FBXL17: variants seen among roughly 807,000 people sequenced by gnomAD.
FBXL17 encodes F-box and leucine rich repeat protein 17.
Under a neutral mutation model 66.2 loss-of-function variants are expected in FBXL17, and 22 were observed. The ratio of observed to expected loss-of-function variants is 0.33; its 90% confidence interval spans 0.24 to 0.47. The LOEUF (loss-of-function observed/expected upper bound fraction) is 0.47. FBXL17 is among the 20% of genes least tolerant of loss of function. The pLI, the probability that FBXL17 is intolerant of heterozygous loss-of-function variation, is 1.00. For missense variants in FBXL17, 878 were observed against 948.2 expected, an observed-to-expected ratio of 0.93 and a Z score of 0.97; for synonymous variants, 474 against 400.5, an observed-to-expected ratio of 1.18 and a Z score of -2.19.
At chr5:108,275,059 A>C (rs1201675646) in intron 4 of FBXL17, among the ~76,000 whole-genome samples, 2 of 152,234 alleles carry the variant, frequency 1.3e-5, no homozygotes, top group Admixed American at 6.5e-5. Flanking sequence ...ACCAGAATGA[A>C]TGCTCATCCA....
At chr5:108,262,375 G>A (rs1756874212) in intron 4 of FBXL17, among the ~76,000 whole-genome samples, 1 of 151,944 alleles carries the variant, frequency 6.6e-6, no homozygotes, top group Admixed American at 6.6e-5. Flanking sequence ...GTAAGTATAG[G>A]CTAATAATTT....
At chr5:108,263,650 A>G (rs1047874511) in intron 4 of FBXL17, among the ~76,000 whole-genome samples, 1 of 152,216 alleles carries the variant, frequency 6.6e-6, no homozygotes, top group African/African-American at 2.4e-5. Context: ...ATCACATTAT[A>G]TTTGTTGCAG....
At chr5:108,195,056 A>G (rs1253298413) in intron 5 of FBXL17, among the ~76,000 whole-genome samples, 2 of 152,202 alleles carry the variant, frequency 1.3e-5, no homozygotes, top group Admixed American at 1.3e-4. Context: ...TTAAGCAGCT[A>G]TTGTGTACCA....
chr5:107,982,270 C>T (rs765670445), intron 7 of FBXL17, among the ~76,000 whole-genome samples: 11 of 152,020 alleles, frequency 7.2e-5, no homozygotes, highest in African/African-American at 1.4e-4. Context: ...TAAGGTACAT[C>T]AGGCATACTT....
chr5:107,944,014 G>T (rs896075162), intron 7 of FBXL17, among the ~76,000 whole-genome samples: 3 of 152,118 alleles, frequency 2.0e-5, no homozygotes, highest in Non-Finnish European at 4.4e-5. Flanking sequence ...GTCCTTCTGT[G>T]CTGTTGCATA....
At chr5:108,216,143 G>GT (rs1374936673) in intron 5 of FBXL17, among the ~76,000 whole-genome samples, 2 of 151,928 alleles carry the variant, frequency 1.3e-5, no homozygotes, top group African/African-American at 2.4e-5. Flanking sequence ...CTCCAACACT[G>GT]TTTTTCTTTT....
At chr5:108,260,900 C>T (rs1756791305) in intron 4 of FBXL17, among the ~76,000 whole-genome samples, 2 of 152,098 alleles carry the variant, frequency 1.3e-5, no homozygotes, top group African/African-American at 4.8e-5. Context: ...AATCTGCGAT[C>T]CCCTGATTGT....
chr5:108,215,803 G>A (rs1754574156), intron 5 of FBXL17, among the ~76,000 whole-genome samples: 1 of 151,970 alleles, frequency 6.6e-6, no homozygotes, highest in Non-Finnish European at 1.5e-5. Context: ...TTTCTCCCAT[G>A]TTTTCTTCTA....
intron 6 of FBXL17, among the ~76,000 whole-genome samples, chr5:108,053,347 C>T (rs541351229): frequency 2.6e-4 from 40 of 151,620 alleles, no homozygotes; most frequent in African/African-American, 8.9e-4. Flanking sequence ...AACAAATTTA[C>T]AAGAAAAAAA....
At chr5:107,950,504 GTAGA>G (rs1751462148) in intron 7 of FBXL17, among the ~76,000 whole-genome samples, 1 of 152,092 alleles carries the variant, frequency 6.6e-6, no homozygotes, top group South Asian at 2.1e-4. Flanking sequence ...TAAATATGGG[GTAGA>G]TAAATGAGGT....
At chr5:108,016,548 C>A (rs1219890192) in intron 7 of FBXL17, among the ~76,000 whole-genome samples, 1 of 152,124 alleles carries the variant, frequency 6.6e-6, no homozygotes, top group Non-Finnish European at 1.5e-5. Flanking sequence ...ACAACTGCCC[C>A]CTGACACAAG....
intron 6 of FBXL17, among the ~76,000 whole-genome samples, chr5:108,139,420 A>G (rs558789509): frequency 6.6e-6 from 1 of 152,310 alleles, no homozygotes; most frequent in African/African-American, 2.4e-5. Context: ...TTCAGTTTCA[A>G]TCAGCATTTT....
intron 6 of FBXL17, among the ~76,000 whole-genome samples, chr5:108,117,967 C>T (rs982231706): frequency 6.6e-6 from 1 of 151,938 alleles, no homozygotes; most frequent in African/African-American, 2.4e-5. Context: ...TACTAGAAAC[C>T]GTAAGGAATG....
At chr5:108,073,670 A>G (rs1167183187) in intron 6 of FBXL17, among the ~76,000 whole-genome samples, 1 of 152,160 alleles carries the variant, frequency 6.6e-6, no homozygotes, top group Admixed American at 6.5e-5. Context: ...TGAAAATCCA[A>G]CATGTTAAGG....
At chr5:107,954,248 A>C (rs1751589179) in intron 7 of FBXL17, among the ~76,000 whole-genome samples, 1 of 152,276 alleles carries the variant, frequency 6.6e-6, no homozygotes, top group Non-Finnish European at 1.5e-5. Flanking sequence ...TGCACAAAAT[A>C]AAATGGATAT....
chr5:108,034,362 T>C (rs1467483802), intron 6 of FBXL17, among the ~76,000 whole-genome samples: 2 of 152,232 alleles, frequency 1.3e-5, no homozygotes, highest in Non-Finnish European at 2.9e-5. Context: ...CCTTACATAA[T>C]GTTGTAACTT....
intron 4 of FBXL17, among the ~76,000 whole-genome samples, chr5:108,243,540 A>G (rs11747188): frequency 1.3e-5 from 2 of 152,006 alleles, no homozygotes; most frequent in Admixed American, 1.3e-4. Flanking sequence ...GAGAGAAGTT[A>G]AAGTAATCTT....
chr5:108,350,040 G>A (rs1747542925), intron 3 of FBXL17, among the ~76,000 whole-genome samples: 1 of 152,084 alleles, frequency 6.6e-6, no homozygotes, highest in South Asian at 2.1e-4. Context: ...TTAGCTATCA[G>A]ATTTTTATTG....
chr5:108,128,366 T>C (rs1025716852), intron 6 of FBXL17, among the ~76,000 whole-genome samples: 3 of 152,186 alleles, frequency 2.0e-5, no homozygotes, highest in African/African-American at 4.8e-5. Context: ...ATGTTCCTCA[T>C]TTGAGGTATC....
Sources: gnomAD v4.1 joint callset for allele counts (sites outside exome capture counted in the v4.1 genomes callset) on GRCh38, gnomAD v4.1.1 for gene constraint, MANE v1.5 for transcripts, NCBI Gene and HGNC (gene_info 2026-07-23, HGNC 2026-07-21) for gene names.